Variants in SORCS3 observed in about 807,000 individuals in gnomAD.
SORCS3 encodes sortilin related VPS10 domain containing receptor 3.
A neutral mutation model predicts 146.3 loss-of-function variants in SORCS3; 57 were observed. That is an observed-to-expected ratio of 0.39 (90% CI 0.31 to 0.49). The LOEUF is 0.49. SORCS3 is among the 20% of genes least tolerant of loss of function. The pLI, the probability that SORCS3 is intolerant of heterozygous loss-of-function variation, is 0.92. For synonymous variants in SORCS3, 653 were observed against 618.5 expected (o/e 1.06, Z -0.83); for missense variants, 1,341 against 1,575.5 (o/e 0.85, Z 2.52).
chr10:105,035,717 C>T (rs1296417534), intron 4 of SORCS3, among the ~76,000 whole-genome samples: 3 of 152,182 alleles, frequency 2.0e-5, no homozygotes, highest in East Asian at 1.9e-4. Context: ...CCACCTGCCT[C>T]GGTCTCCCAA....
chr10:105,180,876 TG>T (rs1218775205), intron 14 of SORCS3, among the ~76,000 whole-genome samples: 1 of 152,234 alleles, frequency 6.6e-6, no homozygotes, highest in Admixed American at 6.5e-5. Context: ...CAGATCAGGA[TG>T]GGTTCCCACG....
intron 19 of SORCS3, among the ~76,000 whole-genome samples, chr10:105,219,296 A>G (rs1409246165): frequency 1.3e-5 from 2 of 152,214 alleles, no homozygotes; most frequent in African/African-American, 4.8e-5. Context: ...CCACAAAGTC[A>G]CACAGGACAC....
At chr10:104,648,023 G>A (rs543952121) in intron 1 of SORCS3, among the ~76,000 whole-genome samples, 1 of 152,312 alleles carries the variant, frequency 6.6e-6, no homozygotes, top group African/African-American at 2.4e-5. Flanking sequence ...TTGCCTCATG[G>A]TCCTGCCGAC....
chr10:104,689,936 T>C (rs1422375499), intron 1 of SORCS3, among the ~76,000 whole-genome samples: 1 of 152,248 alleles, frequency 6.6e-6, no homozygotes, highest in East Asian at 1.9e-4. Context: ...GGTACTTCCA[T>C]TGTGTAGCAT....
chr10:105,006,575 A>C (rs1461224474), intron 4 of SORCS3, among the ~76,000 whole-genome samples: 2 of 152,184 alleles, frequency 1.3e-5, no homozygotes, highest in Non-Finnish European at 2.9e-5. Flanking sequence ...AGTATACTTT[A>C]GGTCTTCCAT....
intron 1 of SORCS3, among the ~76,000 whole-genome samples, chr10:104,697,823 G>T (rs2016234378): frequency 6.6e-6 from 1 of 152,148 alleles, no homozygotes; most frequent in South Asian, 2.1e-4. Context: ...GTTGCATCCA[G>T]AACATGCTCT....
intron 3 of SORCS3, among the ~76,000 whole-genome samples, chr10:104,948,591 A>G (rs1384799128): frequency 6.6e-6 from 1 of 152,202 alleles, no homozygotes; most frequent in African/African-American, 2.4e-5. Context: ...CCCTCATGGC[A>G]TTAACTTTCC....
chr10:104,919,692 GA>G lies in SORCS3; in HGVS notation c.795+3770del, dbSNP rs904596981. Among the ~76,000 whole-genome samples, 341 of 145,928 alleles carry G rather than the reference GA, an allele frequency of 2.3e-3. 1 individual carries two copies. Among genetic ancestry groups the G allele is most frequent in the African/African-American group, 8.0e-3 (321 of 39,922 alleles). On this transcript the variant is annotated intron_variant, in intron 3 of 26. Coordinates refer to ENST00000369701, the MANE Select transcript of SORCS3 (RefSeq NM_014978.3). The stretch of plus-strand genomic sequence containing the variant: ...CAACAAGAGTGAAACTCCGTCTGAA[GA>G]AAAAAAAAAGAAATTAATGTTCATA...
At chr10:104,751,823 C>T (rs1039161891) in intron 1 of SORCS3, among the ~76,000 whole-genome samples, 4 of 150,418 alleles carry the variant, frequency 2.7e-5, no homozygotes, top group African/African-American at 9.8e-5. Context: ...GAGATACTCT[C>T]CCACAATGAC....
chr10:105,259,479 T>C (rs1230640292), intron 25 of SORCS3, among the ~76,000 whole-genome samples: 1 of 152,186 alleles, frequency 6.6e-6, no homozygotes, highest in Non-Finnish European at 1.5e-5. Flanking sequence ...TCACTTGACA[T>C]AGAAAAAGAG....
At chr10:104,782,456 C>G (rs528675120) in intron 1 of SORCS3, among the ~76,000 whole-genome samples, 1 of 152,286 alleles carries the variant, frequency 6.6e-6, no homozygotes, top group South Asian at 2.1e-4. Flanking sequence ...GAGGATGACA[C>G]AGTACTGCTA....
chr10:104,842,011 C>T (rs1224524688), intron 1 of SORCS3, among the ~76,000 whole-genome samples: 2 of 152,230 alleles, frequency 1.3e-5, no homozygotes, highest in African/African-American at 2.4e-5. Flanking sequence ...CAACATCTGA[C>T]AGCCAAGTCC....
intron 4 of SORCS3, among the ~76,000 whole-genome samples, chr10:105,041,309 A>G (rs2055336487): frequency 6.7e-6 from 1 of 148,764 alleles, no homozygotes; most frequent in Admixed American, 6.7e-5. Context: ...ACTTTTCCCA[A>G]CAAATTGTTT....
At chr10:105,129,468 G>T (rs1418225672) in intron 7 of SORCS3, among the ~76,000 whole-genome samples, 1 of 151,458 alleles carries the variant, frequency 6.6e-6, no homozygotes, top group Non-Finnish European at 1.5e-5. Flanking sequence ...GGTTTCATGG[G>T]CAGTGCCTTC....
intron 2 of SORCS3, among the ~76,000 whole-genome samples, chr10:104,898,219 T>C (rs575226195): frequency 1.3e-3 from 202 of 152,304 alleles, no homozygotes; most frequent in Non-Finnish European, 2.0e-3. Flanking sequence ...ATTTGAAATA[T>C]TGGGATAAAA....
At chr10:104,725,759 A>C (rs1013936031) in intron 1 of SORCS3, among the ~76,000 whole-genome samples, 3 of 152,184 alleles carry the variant, frequency 2.0e-5, no homozygotes, top group Non-Finnish European at 2.9e-5. Context: ...CTCCGTGGGC[A>C]TAGGACCCGC....
intron 2 of SORCS3, among the ~76,000 whole-genome samples, chr10:104,881,623 T>TA (rs2018631007): frequency 6.6e-6 from 1 of 152,124 alleles, no homozygotes; most frequent in Admixed American, 6.6e-5. Context: ...GAAGGGTGGG[T>TA]ATTGTTCCCT....
chr10:105,194,556 A>G (rs1434852871), intron 14 of SORCS3, among the ~76,000 whole-genome samples: 1 of 152,170 alleles, frequency 6.6e-6, no homozygotes, highest in Non-Finnish European at 1.5e-5. Flanking sequence ...CCATACTAAG[A>G]ATTCGTTTCT....
At chr10:105,131,081 C>T (rs1251455463) in intron 7 of SORCS3, among the ~76,000 whole-genome samples, 1 of 151,986 alleles carries the variant, frequency 6.6e-6, no homozygotes. Flanking sequence ...CTCCTATGGT[C>T]CAATATTTGG....
Sources: allele counts gnomAD v4.1 joint callset (sites outside exome capture counted in the v4.1 genomes callset), GRCh38; gene constraint gnomAD v4.1.1; transcripts MANE v1.5; gene names NCBI Gene and HGNC (gene_info 2026-07-23, HGNC 2026-07-21).